Variants in RIN2 observed in about 807,000 individuals in gnomAD.
RIN2 encodes the protein Ras and Rab interactor 2.
In RIN2, 36 loss-of-function variants were observed where a neutral mutation model predicts 78.0. That is an observed-to-expected ratio of 0.46 (90% CI 0.35 to 0.61). RIN2 has a LOEUF of 0.61. RIN2 is among the 20% of genes least tolerant of loss of function. The pLI is 0.00. For synonymous variants in RIN2, 466 were observed against 466.8 expected, an observed-to-expected ratio of 1.00 and a Z score of 0.02; for missense variants, 1,087 against 1,159.7, an observed-to-expected ratio of 0.94 and a Z score of 0.91.
intron 2 of RIN2, among the ~76,000 whole-genome samples, chr20:19,836,170 C>T (rs1469840142): frequency 6.6e-6 from 1 of 152,162 alleles, no homozygotes; most frequent in East Asian, 1.9e-4. Flanking sequence ...AGATGCTGCA[C>T]AATCCATGTC....
chr20:19,854,358 TGCGGGCCCTTTTTTG>T (rs2037094687), intron 2 of RIN2, among the ~76,000 whole-genome samples: 2 of 152,256 alleles, frequency 1.3e-5, no homozygotes. Context: ...GCCTTGGCAA[TGCGGGCCCTTTTTTG>T]GTTCCATATG....
chr20:19,837,167 C>G (rs950010629), intron 2 of RIN2, among the ~76,000 whole-genome samples: 2 of 120,896 alleles, frequency 1.7e-5, no homozygotes, highest in African/African-American at 3.3e-5. Flanking sequence ...ACCGCCCCCC[C>G]CAACACACAC....
chr20:19,764,936 T>TTTTTTTTTTTTTTTTTTC (rs2033818621), intron 1 of RIN2, among the ~76,000 whole-genome samples: 1 of 132,578 alleles, frequency 7.5e-6, no homozygotes, highest in Non-Finnish European at 1.6e-5. Flanking sequence ...TTTTTTTTTT[T>TTTTTTTTTTTTTTTTTTC]TTTTTTTGAC....
chr20:19,839,859 G>A (rs113638530), intron 2 of RIN2, among the ~76,000 whole-genome samples: 2 of 152,322 alleles, frequency 1.3e-5, no homozygotes, highest in African/African-American at 4.8e-5. Flanking sequence ...GTGAGAGTAA[G>A]CAGTATCTTT....
chr20:19,967,372 C>G (rs941753975), intron 7 of RIN2, among the ~76,000 whole-genome samples: 40 of 152,266 alleles, frequency 2.6e-4, no homozygotes, highest in African/African-American at 8.7e-4. Flanking sequence ...TGCTACTCAT[C>G]TATGTTCTTG....
chr20:19,823,966 T>C, intron 2 of RIN2: 1 of 1,406,956 alleles, frequency 7.1e-7, no homozygotes, highest in Non-Finnish European at 9.9e-7. Context: ...TGGTGTCGGA[T>C]GAACCCGGAT....
At chr20:19,924,486 A>AT (rs1372476446) in intron 3 of RIN2, among the ~76,000 whole-genome samples, 1,362 of 28,322 alleles carry the variant, frequency 0.048, no homozygotes, top group East Asian at 0.064. Context: ...CCACCTTCAT[A>AT]CCCCACCTTC....
intron 1 of RIN2, among the ~76,000 whole-genome samples, chr20:19,758,571 C>T (rs6136828): frequency 6.6e-6 from 1 of 152,124 alleles, no homozygotes; most frequent in African/African-American, 2.4e-5. Flanking sequence ...TTCCGGAGCG[C>T]GAGGTGGCCG....
intron 1 of RIN2, among the ~76,000 whole-genome samples, chr20:19,788,439 A>AAAAAAAAAAACC (rs2034768779): frequency 7.5e-6 from 1 of 132,994 alleles, no homozygotes; most frequent in African/African-American, 3.3e-5. Flanking sequence ...TGCCAAAAAA[A>AAAAAAAAAAACC]AAAAAAAAAA....
At chr20:19,933,475 C>G (rs1000350935) in intron 3 of RIN2, among the ~76,000 whole-genome samples, 13 of 152,206 alleles carry the variant, frequency 8.5e-5, no homozygotes, top group Non-Finnish European at 1.8e-4. Flanking sequence ...CACAGCATTA[C>G]CTTCACCTGT....
chr20:19,972,151 G>A (rs1288950505), intron 8 of RIN2, among the ~76,000 whole-genome samples: 3 of 152,136 alleles, frequency 2.0e-5, no homozygotes, highest in Non-Finnish European at 4.4e-5. Context: ...AAACTCTCGG[G>A]CCATAGAAAC....
At chr20:19,905,384 CA>C (rs1403561988) in intron 3 of RIN2, among the ~76,000 whole-genome samples, 1 of 152,144 alleles carries the variant, frequency 6.6e-6, no homozygotes, top group East Asian at 1.9e-4. Context: ...GAGGACAAAG[CA>C]AACGATGACA....
intron 2 of RIN2, among the ~76,000 whole-genome samples, chr20:19,803,086 C>T (rs2035297141): frequency 1.3e-5 from 2 of 152,262 alleles, no homozygotes; most frequent in African/African-American, 4.8e-5. Context: ...GTGAAAAAGG[C>T]CAGCACTGCC....
intron 1 of RIN2, among the ~76,000 whole-genome samples, chr20:19,772,527 C>T (rs1373494218): frequency 1.3e-5 from 2 of 152,166 alleles, no homozygotes; most frequent in African/African-American, 2.4e-5. Context: ...TTGGGTGCCA[C>T]GAAGCCAGCC....
At chr20:19,818,743 AG>A (rs11475869) in intron 2 of RIN2, among the ~76,000 whole-genome samples, 40,553 of 136,576 alleles carry the variant, frequency 0.3, 6,303 homozygotes, top group African/African-American at 0.49. Flanking sequence ...AAAAAAAAAA[AG>A]AAAGAAAGAG....
rs182573681 is a variant in RIN2 at position 19,879,354 on chromosome 20, T to C, written c.-36-10212T>C. ...TTCTTTATGCTTTTCCCTTGCTAAT[T>C]TCTGGAGTCTGGTTGTGTGATGGTA... On this transcript the variant is annotated intron_variant, in intron 2 of 12. Transcript: ENST00000255006. 5.9e-5 allele frequency among the ~76,000 whole-genome samples: 9 copies of C among 152,360 alleles called. No homozygotes were observed. The East Asian group carries it at 1.7e-3, about 29-fold the overall frequency.
chr20:19,793,795 C>T (rs374334084), intron 1 of RIN2, among the ~76,000 whole-genome samples: 92 of 152,270 alleles, frequency 6.0e-4, no homozygotes, highest in African/African-American at 2.0e-3. Flanking sequence ...GTAGGAAAAG[C>T]TGTGGGGAAA....
intron 1 of RIN2, among the ~76,000 whole-genome samples, chr20:19,784,562 T>A (rs544377070): frequency 1.3e-5 from 2 of 152,184 alleles, no homozygotes; most frequent in East Asian, 3.9e-4. Context: ...CTTAAAAAAA[T>A]TTACCCAAAT....
At chr20:19,858,114 C>G (rs2037220378) in intron 2 of RIN2, among the ~76,000 whole-genome samples, 1 of 139,826 alleles carries the variant, frequency 7.2e-6, no homozygotes, top group Admixed American at 6.9e-5. Context: ...TTTTTATGGT[C>G]TGTCTTTTTT....
Sources: allele counts gnomAD v4.1 joint callset (sites outside exome capture counted in the v4.1 genomes callset), GRCh38; gene constraint gnomAD v4.1.1; transcripts MANE v1.5; gene names NCBI Gene and HGNC (gene_info 2026-07-23, HGNC 2026-07-21).